Variants in B3GAT2 observed in about 807,000 individuals in gnomAD.
B3GAT2 encodes the protein beta-1,3-glucuronyltransferase 2.
B3GAT2 carries 26 observed loss-of-function variants against 27.8 expected under a neutral mutation model. That is an observed-to-expected ratio of 0.93 (90% CI 0.68 to 1.30). The LOEUF (loss-of-function observed/expected upper bound fraction) is 1.30, where lower values mean the gene tolerates loss of function less well. Ranked by LOEUF, B3GAT2 falls within the 50% of genes most tolerant of loss-of-function variation. The pLI is 0.00. For synonymous variants in B3GAT2, 218 were observed against 195.1 expected (o/e 1.12, Z -0.98); for missense variants, 458 against 459.0 (o/e 1.00, Z 0.02).
intron 2 of B3GAT2, among the ~76,000 whole-genome samples, chr6:70,882,977 C>T (rs371188675): frequency 3.9e-5 from 6 of 152,122 alleles, no homozygotes; most frequent in East Asian, 1.9e-4. Context: ...CAAATGGCCA[C>T]GAAGCACATG....
chr6:70,949,385 G>A (rs1765542951), intron 1 of B3GAT2, among the ~76,000 whole-genome samples: 1 of 152,222 alleles, frequency 6.6e-6, no homozygotes. Context: ...CCATCAACAA[G>A]TGGGTGAAGG....
At position 70,932,184 on chromosome 6, in the gene B3GAT2, C is replaced by T. The variant is rs77270904; in HGVS notation, c.591+23655G>A. Among the ~76,000 whole-genome samples, 737 of 152,214 alleles carry T rather than the reference C, an allele frequency of 4.8e-3. 16 individuals carry two copies. The East Asian group carries it at 0.086, about 18-fold the overall frequency. The stretch of plus-strand genomic sequence containing the variant: ...TAAGGTGTGGAGAAATTGTTACCCT[C>T]GTGGTCTGGTGATAGAAATGTAAAA... On this transcript the variant is annotated intron_variant, in intron 1 of 3. Transcript: ENST00000230053.
At position 70,880,015 on chromosome 6, in the gene B3GAT2, A is replaced by G. The variant is rs114593932; in HGVS notation, c.736+14113T>C. ...CGGGTCAGGGAGCATATTATTGGGGATAAGAAATGAAGCTGTGGAGCTAGT... is the reference window on the plus strand; with the variant it reads ...CGGGTCAGGGAGCATATTATTGGGGGTAAGAAATGAAGCTGTGGAGCTAGT... On this transcript the variant is annotated intron_variant, in intron 2 of 3. Coordinates refer to ENST00000230053, the MANE Select transcript of B3GAT2 (RefSeq NM_080742.3). Among the ~76,000 whole-genome samples, 1,225 of 146,274 alleles carry G rather than the reference A, an allele frequency of 8.4e-3. 14 individuals carry two copies. Among genetic ancestry groups the G allele is most frequent in the African/African-American group, 0.029 (1,178 of 40,242 alleles).
At chr6:70,890,721 C>T (rs530522165) in intron 2 of B3GAT2, among the ~76,000 whole-genome samples, 1 of 152,220 alleles carries the variant, frequency 6.6e-6, no homozygotes, top group East Asian at 1.9e-4. Flanking sequence ...GAGACTGTGC[C>T]CTCTAACCTG....
intron 2 of B3GAT2, among the ~76,000 whole-genome samples, chr6:70,881,184 G>A (rs539752913): frequency 1.3e-5 from 2 of 152,074 alleles, no homozygotes; most frequent in African/African-American, 2.4e-5. Context: ...TTAGAGCCTC[G>A]ATGCTGTCAC....
rs752870821 is a variant in B3GAT2 at position 70,860,173 on chromosome 6, G to A, written c.*1490C>T. The A allele has an allele frequency of 2.5e-6, 4 of 1,584,352 alleles. No homozygotes were observed. In the South Asian group the frequency reaches 4.7e-5, roughly 18 times the overall value. Reference sequence around the variant, plus strand: ...GAATTAAAAGTGAAGTAAGCCTCTTGAACTAAGCCTTTTATATGTTTCACA... The same window carrying A: ...GAATTAAAAGTGAAGTAAGCCTCTTAAACTAAGCCTTTTATATGTTTCACA... On this transcript the variant is annotated 3_prime_UTR_variant, in exon 4 of 4. Transcript: ENST00000230053.
chr6:70,877,898 C>T (rs1255650797), intron 2 of B3GAT2, among the ~76,000 whole-genome samples: 1 of 152,318 alleles, frequency 6.6e-6, no homozygotes, highest in African/African-American at 2.4e-5. Context: ...TGGCCAGGGA[C>T]CAGGCTTCTG....
chr6:70,871,916 CA>C, intron 2 of B3GAT2, among the ~76,000 whole-genome samples: 1 of 151,892 alleles, frequency 6.6e-6, no homozygotes, highest in Non-Finnish European at 1.5e-5. Flanking sequence ...TCATTCTCTT[CA>C]AAATATTTCC....
chr6:70,876,229 T>G (rs1772011480), intron 2 of B3GAT2, among the ~76,000 whole-genome samples: 1 of 152,218 alleles, frequency 6.6e-6, no homozygotes. Context: ...AAGAAGGTAC[T>G]TATTCCCCAA....
Position 70,857,877 on chromosome 6 carries a change from A to G in B3GAT2, c.*3786T>C. The G allele has an allele frequency of 6.3e-7, 1 of 1,584,292 alleles. No individual in the cohort carries two copies. Among genetic ancestry groups the G allele is most frequent in the Non-Finnish European group, 8.6e-7 (1 of 1,161,228 alleles). On this transcript the variant is annotated 3_prime_UTR_variant, in exon 4 of 4. Coordinates refer to ENST00000230053, the MANE Select transcript of B3GAT2 (RefSeq NM_080742.3). ...TGTGATTATAGAGATGAGTGCAACT[A>G]CACGTGATAGCTCTGTCTTCATTCA...
Position 70,948,277 on chromosome 6 carries a change from G to T in B3GAT2, c.591+7562C>A, listed in dbSNP as rs1292251850. Among the ~76,000 whole-genome samples, 3 of 147,504 alleles carry T rather than the reference G, an allele frequency of 2.0e-5. No homozygotes were observed. The East Asian group carries it at 5.9e-4, about 29-fold the overall frequency. On this transcript the variant is annotated intron_variant, in intron 1 of 3. Transcript: ENST00000230053. The stretch of plus-strand genomic sequence containing the variant: ...GATAAAGGGTATTCAATTAGGAAAA[G>T]AGGAAGTCAAATTGTCCCTGTTTGC...
intron 1 of B3GAT2, among the ~76,000 whole-genome samples, chr6:70,911,884 T>C (rs1039985725): frequency 7.2e-5 from 11 of 152,172 alleles, no homozygotes; most frequent in African/African-American, 2.7e-4. Flanking sequence ...GCTGTATGCG[T>C]AGGTATTTTA....
chr6:70,915,698 A>G (rs754231206), intron 1 of B3GAT2, among the ~76,000 whole-genome samples: 1 of 152,222 alleles, frequency 6.6e-6, no homozygotes, highest in Non-Finnish European at 1.5e-5. Flanking sequence ...GGTTTGTCAA[A>G]TATCAGATGG....
intron 1 of B3GAT2, among the ~76,000 whole-genome samples, chr6:70,895,495 ATTTTTTTTTTTTT>A (rs59066944): frequency 3.9e-5 from 3 of 76,612 alleles, no homozygotes; most frequent in African/African-American, 1.2e-4. Context: ...CAAAAAGGGG[ATTTTTTTTTTTTT>A]TTTTTTTTTT....
At position 70,940,890 on chromosome 6, in the gene B3GAT2, C is replaced by T. The variant is rs1201266716; in HGVS notation, c.591+14949G>A. ...TTGCAGTGAGCCAGGTTAGCATCCT[C>T]CTCTGAGCTACATGTAAGTCAACTT... On this transcript the variant is annotated intron_variant, in intron 1 of 3. Coordinates refer to ENST00000230053, the MANE Select transcript of B3GAT2 (RefSeq NM_080742.3). 2.0e-5 allele frequency among the ~76,000 whole-genome samples: 3 copies of T among 152,118 alleles called. No individual in the cohort carries two copies. The East Asian group carries it at 5.8e-4, about 29-fold the overall frequency.
At chr6:70,908,779 G>A (rs141081430) in intron 1 of B3GAT2, among the ~76,000 whole-genome samples, 13 of 152,232 alleles carry the variant, frequency 8.5e-5, no homozygotes, top group African/African-American at 3.1e-4. Flanking sequence ...GGAACTGGAT[G>A]CAGGATAAAA....
intron 1 of B3GAT2, among the ~76,000 whole-genome samples, chr6:70,922,938 C>A (rs1453704487): frequency 6.6e-6 from 1 of 152,162 alleles, no homozygotes; most frequent in Non-Finnish European, 1.5e-5. Flanking sequence ...TGGCCTCAGG[C>A]AAATTAATAA....
intron 2 of B3GAT2, among the ~76,000 whole-genome samples, chr6:70,888,736 T>G (rs189821802): frequency 6.6e-6 from 1 of 152,332 alleles, no homozygotes; most frequent in East Asian, 1.9e-4. Context: ...GTCCTCACTA[T>G]CTGACCCCAG....
At chr6:70,913,171 C>T (rs917284588) in intron 1 of B3GAT2, among the ~76,000 whole-genome samples, 12 of 151,958 alleles carry the variant, frequency 7.9e-5, no homozygotes, top group Non-Finnish European at 1.6e-4. Context: ...TCATTCAGTT[C>T]AGTTCTTGTT....
Sources: gnomAD v4.1 joint callset for allele counts (sites outside exome capture counted in the v4.1 genomes callset) on GRCh38, gnomAD v4.1.1 for gene constraint, MANE v1.5 for transcripts, NCBI Gene and HGNC (gene_info 2026-07-23, HGNC 2026-07-21) for gene names.